Variants in DCC observed in about 807,000 individuals in gnomAD.
The protein encoded by DCC is netrin receptor DCC.
Under a neutral mutation model 172.5 loss-of-function variants are expected in DCC, and 58 were observed. The observed-to-expected ratio is 0.34, with a 90% CI of 0.27 to 0.42. The LOEUF (loss-of-function observed/expected upper bound fraction) is 0.42. DCC is among the 10% of genes least tolerant of loss of function. The pLI is 1.00. For missense variants in DCC, 1,740 were observed against 1,791.0 expected, an observed-to-expected ratio of 0.97 and a Z score of 0.51; for synonymous variants, 709 against 644.5, an observed-to-expected ratio of 1.10 and a Z score of -1.52.
intron 1 of DCC, among the ~76,000 whole-genome samples, chr18:52,440,883 T>G (rs1387452706): frequency 6.6e-6 from 1 of 152,222 alleles, no homozygotes. Flanking sequence ...ATCCTCTGTA[T>G]GTGCTCTGTG....
intron 12 of DCC, among the ~76,000 whole-genome samples, chr18:53,226,948 A>ATATATATATATATATATTTTTTTTTT: frequency 1.7e-4 from 9 of 52,940 alleles, no homozygotes; most frequent in African/African-American, 3.8e-4. Flanking sequence ...ATATATATAT[A>ATATATATATATATATATTTTTTTTTT]TTTTTTTTTT....
chr18:52,760,456 C>T (rs1295803440), intron 2 of DCC, among the ~76,000 whole-genome samples: 1 of 152,158 alleles, frequency 6.6e-6, no homozygotes, highest in East Asian at 1.9e-4. Flanking sequence ...GGGCAGGACT[C>T]CTGTCACATG....
intron 1 of DCC, among the ~76,000 whole-genome samples, chr18:52,478,192 T>A (rs540997360): frequency 5.9e-5 from 9 of 151,936 alleles, no homozygotes; most frequent in African/African-American, 2.2e-4. Flanking sequence ...AGAGATTAAT[T>A]TCTCTTGATT....
intron 2 of DCC, among the ~76,000 whole-genome samples, chr18:52,830,594 C>T (rs914901192): frequency 2.0e-5 from 3 of 152,164 alleles, no homozygotes; most frequent in African/African-American, 7.2e-5. Flanking sequence ...ATACCTATTA[C>T]TAGACTATCT....
At position 53,496,280 on chromosome 18, in the gene DCC, G is replaced by C. The variant is rs537620388; in HGVS notation, c.3899-3018G>C. Among the ~76,000 whole-genome samples the C allele has an allele frequency of 4.6e-5, 7 of 152,268 alleles. No individual in the cohort carries two copies. The East Asian group carries it at 1.2e-3, about 25-fold the overall frequency. ...TACAGGCAGCAAACTTTGCTGTCCT[G>C]CAGCCTCCACTGGTGATACCCAGGC... On this transcript the variant is annotated intron_variant, in intron 26 of 28. Coordinates refer to ENST00000442544, the MANE Select transcript of DCC (RefSeq NM_005215.4).
intron 7 of DCC, among the ~76,000 whole-genome samples, chr18:53,105,384 G>C (rs917158168): frequency 6.6e-6 from 1 of 151,980 alleles, no homozygotes; most frequent in African/African-American, 2.4e-5. Flanking sequence ...GAGCTTATCT[G>C]TCTCGGAAAG....
intron 7 of DCC, among the ~76,000 whole-genome samples, chr18:53,078,011 C>T (rs575116361): frequency 6.6e-6 from 1 of 152,226 alleles, no homozygotes; most frequent in South Asian, 2.1e-4. Flanking sequence ...ATCCAGAAAT[C>T]CATAGTTTAA....
At chr18:52,914,295 G>T (rs2040010299) in intron 3 of DCC, among the ~76,000 whole-genome samples, 1 of 152,064 alleles carries the variant, frequency 6.6e-6, no homozygotes, top group South Asian at 2.1e-4. Flanking sequence ...GAGACACAAG[G>T]GGTAGAAGCC....
intron 1 of DCC, among the ~76,000 whole-genome samples, chr18:52,528,898 T>C (rs2032061376): frequency 6.6e-6 from 1 of 152,126 alleles, no homozygotes; most frequent in Non-Finnish European, 1.5e-5. Flanking sequence ...CCAGTTATCA[T>C]ATAGATTTGC....
intron 27 of DCC, among the ~76,000 whole-genome samples, chr18:53,520,447 C>T (rs1036963466): frequency 1.2e-4 from 18 of 152,016 alleles, no homozygotes; most frequent in Middle Eastern, 3.4e-3. Flanking sequence ...TTTAGACACA[C>T]GGGAAGGTGA....
intron 1 of DCC, among the ~76,000 whole-genome samples, chr18:52,688,063 TTAGA>T (rs1408590012): frequency 1.3e-5 from 2 of 152,086 alleles, no homozygotes; most frequent in Non-Finnish European, 2.9e-5. Flanking sequence ...TAGTGCACTG[TTAGA>T]TGTAGTCAGT....
chr18:53,043,117 C>A (rs1224432215), intron 5 of DCC, among the ~76,000 whole-genome samples: 3 of 152,058 alleles, frequency 2.0e-5, no homozygotes, highest in East Asian at 3.9e-4. Context: ...CACATATACA[C>A]CATGGAATAC....
At chr18:52,975,923 G>A (rs1291958639) in intron 5 of DCC, among the ~76,000 whole-genome samples, 1 of 152,134 alleles carries the variant, frequency 6.6e-6, no homozygotes, top group East Asian at 1.9e-4. Context: ...GGGTCTTTAA[G>A]GAATCACCAC....
chr18:53,074,509 T>A (rs2042699411), intron 7 of DCC, among the ~76,000 whole-genome samples: 1 of 152,246 alleles, frequency 6.6e-6, no homozygotes, highest in African/African-American at 2.4e-5. Context: ...GCCAAGTTTT[T>A]TCAAAGTGGC....
intron 1 of DCC, among the ~76,000 whole-genome samples, chr18:52,391,955 C>T (rs1382990414): frequency 6.6e-6 from 1 of 152,168 alleles, no homozygotes; most frequent in African/African-American, 2.4e-5. Flanking sequence ...ATCTGTGTAT[C>T]AGCTTTAAAG....
intron 1 of DCC, among the ~76,000 whole-genome samples, chr18:52,557,656 CAAAACTA>C (rs1454357966): frequency 2.6e-5 from 4 of 152,114 alleles, no homozygotes. Context: ...ATTAAATTTT[CAAAACTA>C]AATGTCTCTA....
At chr18:52,916,139 A>G (rs552523907) in intron 3 of DCC, among the ~76,000 whole-genome samples, 7 of 152,142 alleles carry the variant, frequency 4.6e-5, no homozygotes, top group Non-Finnish European at 1.0e-4. Context: ...ATACGCAAAA[A>G]TAAAAGTATA....
rs1202875702 is a variant in DCC, at chr18:53,410,525, T to C, written c.3009T>C (p.Asp1003=). 3 of 1,607,598 alleles carry C rather than the reference T, an allele frequency of 1.9e-6. No homozygotes were observed. The highest frequency in any genetic ancestry group is 1.7e-5 in the Admixed American group (1 of 59,986). ...GGATTATGGAAACAATCAGTGGTGA[T>C]AGGCTTACTCATCAAATCATGGATC... The part of the protein sequence containing the change: ...DDWIMETISG[D]RLTHQIMDLN... Residue 1003 remains aspartate (D), a synonymous_variant, in exon 20 of 29, where the codon GAT becomes GAC. Coordinates refer to ENST00000442544, the MANE Select transcript of DCC (RefSeq NM_005215.4).
chr18:53,090,667 C>G (rs940799637), intron 7 of DCC, among the ~76,000 whole-genome samples: 4 of 118,826 alleles, frequency 3.4e-5, no homozygotes, highest in Non-Finnish European at 6.7e-5. Flanking sequence ...GCACTCCAGC[C>G]TGGGTGACAG....
Sources: allele counts gnomAD v4.1 joint callset (sites outside exome capture counted in the v4.1 genomes callset), GRCh38; gene constraint gnomAD v4.1.1; transcripts MANE v1.5; gene names NCBI Gene and HGNC (gene_info 2026-07-23, HGNC 2026-07-21).